Variants in PEX2 observed in about 807,000 individuals in gnomAD.
PEX2 encodes the protein peroxisomal biogenesis factor 2.
A neutral mutation model predicts 25.2 loss-of-function variants in PEX2; 19 were observed. The observed-to-expected ratio is 0.75, with a 90% CI of 0.53 to 1.10. The LOEUF is 1.10. PEX2 is among the 50% of genes least tolerant of loss of function. PEX2 has a pLI of 0.00. For missense variants in PEX2, 347 were observed against 350.6 expected, an observed-to-expected ratio of 0.99 and a Z score of 0.08; for synonymous variants, 141 against 127.7, an observed-to-expected ratio of 1.10 and a Z score of -0.70.
At chr8:76,993,608 A>G (rs1234413329) in intron 1 of PEX2, among the ~76,000 whole-genome samples, 2 of 152,188 alleles carry the variant, frequency 1.3e-5, no homozygotes, top group East Asian at 3.8e-4. Flanking sequence ...ATTATTGGTC[A>G]TTGTAAATTA....
chr8:76,991,238 T>A (rs1807161747), intron 1 of PEX2, among the ~76,000 whole-genome samples: 1 of 152,206 alleles, frequency 6.6e-6, no homozygotes, highest in African/African-American at 2.4e-5. Context: ...AAACATTCAG[T>A]AAAAACAGGA....
In PEX2 at chr8:76,983,891, C is replaced by T. The variant is rs370236723; in HGVS notation, c.288G>A (p.Gln96=). The change falls in exon 4 of 4, where the codon CAG becomes CAA. Residue 96 remains glutamine, a synonymous_variant. Transcript: ENST00000357039. ...AGATTTTTTGATTTTTACTGGGTGG[C>T]TGATATCTCAGGTTAGGGGAAAAAT... The part of the protein sequence containing the change: ...KNDFSPNLRY[Q]PPSKNQKIWY... 8.5e-5 allele frequency: 137 copies of T among 1,613,988 alleles called. No individual in the cohort carries two copies. The highest frequency in any genetic ancestry group is 1.1e-4 in the Non-Finnish European group (132 of 1,180,020).
intron 1 of PEX2, among the ~76,000 whole-genome samples, chr8:76,989,673 C>A (rs527497520): frequency 7.9e-5 from 12 of 152,300 alleles, no homozygotes; most frequent in African/African-American, 2.9e-4. Context: ...TATCAATGAG[C>A]AGTAATATTT....
At chr8:76,991,107 C>T (rs910403106) in intron 1 of PEX2, among the ~76,000 whole-genome samples, 6 of 152,196 alleles carry the variant, frequency 3.9e-5, no homozygotes, top group African/African-American at 1.4e-4. Context: ...ATAAGCAACT[C>T]ATAACTGCAT....
chr8:76,983,422 T>C lies in PEX2; in HGVS notation c.757A>G (p.Met253Val), dbSNP rs1223881094. Residue 253 changes from methionine (M) to valine (V), a missense_variant, in exon 4 of 4, where the codon ATG becomes GTG. By Grantham distance (21) the Met-to-Val change is conservative. Coordinates refer to ENST00000357039, the MANE Select transcript of PEX2 (RefSeq NM_000318.3). ...ECALCGEWPT[M>V]PHTIGCEHIF... ...TGCTCACATCCTATGGTGTGAGGCA[T>C]GGTGGGCCACTCTCCACATAGAGCG... 2.5e-6 allele frequency: 4 copies of C among 1,614,156 alleles called. No homozygotes were observed. Among genetic ancestry groups the C allele is most frequent in the South Asian group, 2.2e-5 (2 of 91,084 alleles).
At chr8:76,995,294 T>A (rs1438946051) in intron 1 of PEX2, among the ~76,000 whole-genome samples, 1 of 152,230 alleles carries the variant, frequency 6.6e-6, no homozygotes, top group Non-Finnish European at 1.5e-5. Flanking sequence ...CTGTGTTATG[T>A]CCAACAGACC....
chr8:76,989,937 A>G (rs1472075671), intron 1 of PEX2, among the ~76,000 whole-genome samples: 1 of 152,232 alleles, frequency 6.6e-6, no homozygotes, highest in Non-Finnish European at 1.5e-5. Flanking sequence ...CTGAAGCCAC[A>G]TATTGGCTTC....
upstream of PEX2, chr8:77,000,117 C>A: frequency 1.1e-5 from 4 of 361,476 alleles, no homozygotes; most frequent in South Asian, 6.0e-5. Flanking sequence ...CGGAGCGACG[C>A]AGGAGCCGGA....
chr8:76,988,705 C>A lies in PEX2; in HGVS notation c.-159-367G>T, dbSNP rs538993693. The stretch of plus-strand genomic sequence containing the variant: ...TCATGAAAGATTTCTCTGTAGCATG[C>A]GAAGCTTTCTGATAGCATTTTACCA... On this transcript the variant is annotated intron_variant, in intron 1 of 3. Transcript: ENST00000357039. 9.2e-5 allele frequency among the ~76,000 whole-genome samples: 14 copies of A among 152,224 alleles called. No homozygotes were observed. The East Asian group carries it at 2.1e-3, about 23-fold the overall frequency.
rs1807455059 is a variant in PEX2, at chr8:77,000,032, T to C, written c.-202A>G. The C allele has an allele frequency of 1.1e-5, 5 of 448,148 alleles. No individual in the cohort carries two copies. The highest frequency in any genetic ancestry group is 6.3e-5 in the South Asian group (4 of 63,168). The allele number at this position is 448,148 out of a possible 1,614,324, so 27.8% of individuals were successfully genotyped here. On this transcript the variant is annotated 5_prime_UTR_variant, in exon 1 of 4. Coordinates refer to ENST00000357039, the MANE Select transcript of PEX2 (RefSeq NM_000318.3). ...CGCCCACGCTCCACGTAACTTTCTC[T>C]GAAACATTCTCTGGAAAGCTTGTCT...
At position 76,983,719 on chromosome 8, in the gene PEX2, A is replaced by G. The variant is rs748425018; in HGVS notation, c.460T>C (p.Phe154Leu). Reference sequence around the variant, plus strand: ...TTTCCCCTCTGAAGGAAAATCAAAAAATTAATCAGCCCACCTAATTTCAAA... The same window carrying G: ...TTTCCCCTCTGAAGGAAAATCAAAAGATTAATCAGCCCACCTAATTTCAAA... ...GLLKLGGLIN[F>L]LIFLQRGKFA... is the part of the protein sequence containing the mutation. The change falls in exon 4 of 4, where the codon TTT (phenylalanine) becomes CTT (leucine). Residue 154 changes from phenylalanine (F) to leucine (L), a missense_variant. Phe to Leu is a conservative substitution (Grantham distance 22, BLOSUM62 0). Coordinates refer to ENST00000357039, the MANE Select transcript of PEX2 (RefSeq NM_000318.3). 6.2e-7 allele frequency: 1 copy of G among 1,614,068 alleles called. No homozygotes were observed. The highest frequency in any genetic ancestry group is 1.7e-5 in the Admixed American group (1 of 60,026).
Position 76,983,292 on chromosome 8 carries a change from C to A in PEX2, c.887G>T (p.Gly296Val), listed in dbSNP as rs1180915158. Residue 296 changes from glycine to valine, a missense_variant, in exon 4 of 4, where the codon GGA becomes GTA. Gly to Val is a moderately radical substitution (Grantham distance 109, BLOSUM62 -3). Coordinates refer to ENST00000357039, the MANE Select transcript of PEX2 (RefSeq NM_000318.3). ...AGCATTTACTTCTGACATCTCGATT[C>A]CTGATTTCAGTGGCTGCAGACTGTG... The part of the protein sequence containing the change: ...EVHSLQPLKS[G>V]IEMSEVNAL The A allele has an allele frequency of 6.2e-7, 1 of 1,613,752 alleles. No individual in the cohort carries two copies. The highest frequency in any genetic ancestry group is 8.5e-7 in the Non-Finnish European group (1 of 1,180,028).
At chr8:76,994,681 T>A (rs1807269910) in intron 1 of PEX2, among the ~76,000 whole-genome samples, 1 of 152,154 alleles carries the variant, frequency 6.6e-6, no homozygotes, top group Non-Finnish European at 1.5e-5. Context: ...TCATACCCAC[T>A]CATGCACCCC....
At chr8:76,993,499 T>TA (rs1484627308) in intron 1 of PEX2, among the ~76,000 whole-genome samples, 1 of 152,142 alleles carries the variant, frequency 6.6e-6, no homozygotes, top group Non-Finnish European at 1.5e-5. Flanking sequence ...GTACTCTCCT[T>TA]ACTTCTGTTA....
chr8:76,993,248 A>C (rs766842195), intron 1 of PEX2, among the ~76,000 whole-genome samples: 19 of 152,210 alleles, frequency 1.2e-4, no homozygotes, highest in Non-Finnish European at 2.6e-4. Context: ...ATGGGATATA[A>C]ATTTCAAAAG....
Position 76,980,952 on chromosome 8 carries a change from T to C in PEX2, c.*2309A>G, listed in dbSNP as rs1379043241. Reference sequence around the variant, plus strand: ...TCTGTGTCCCTCATGCCATGTACACTCATCAAAAAAATGAGAGCCAAAGGA... The same window carrying C: ...TCTGTGTCCCTCATGCCATGTACACCCATCAAAAAAATGAGAGCCAAAGGA... On this transcript the variant is annotated 3_prime_UTR_variant, in exon 4 of 4. Transcript: ENST00000357039. 6.6e-6 allele frequency: 1 copy of C among 152,108 alleles called. No individual in the cohort carries two copies. The highest frequency in any genetic ancestry group is 1.5e-5 in the Non-Finnish European group (1 of 68,018). The allele number at this position is 152,108 out of a possible 1,614,324, so 9.4% of individuals were successfully genotyped here.
intron 1 of PEX2, chr8:76,999,706 G>T (rs1807438418): frequency 5.3e-6 from 2 of 374,380 alleles, no homozygotes; most frequent in Non-Finnish European, 1.1e-5. Context: ...TTCGAAGTTC[G>T]TCTCTTAAGT....
intron 1 of PEX2, among the ~76,000 whole-genome samples, chr8:76,999,243 GA>G (rs1286970821): frequency 6.6e-6 from 1 of 152,144 alleles, no homozygotes; most frequent in East Asian, 1.9e-4. Flanking sequence ...AAATATTTCC[GA>G]GGGGCATCAC....
intron 2 of PEX2, among the ~76,000 whole-genome samples, chr8:76,986,890 A>G (rs2132048336): frequency 6.6e-6 from 1 of 152,282 alleles, no homozygotes; most frequent in African/African-American, 2.4e-5. Context: ...GAGCCTTATC[A>G]CAGTTGAATC....
Sources: allele counts gnomAD v4.1 joint callset (sites outside exome capture counted in the v4.1 genomes callset), GRCh38; gene constraint gnomAD v4.1.1; transcripts MANE v1.5; gene names NCBI Gene and HGNC (gene_info 2026-07-23, HGNC 2026-07-21).